Variants in SNX29 observed in about 807,000 individuals in gnomAD.
SNX29 encodes sorting nexin-29.
In SNX29, 78 loss-of-function variants were observed where a neutral mutation model predicts 102.1. That is an observed-to-expected ratio of 0.76 (90% CI 0.64 to 0.92). The LOEUF (loss-of-function observed/expected upper bound fraction) is 0.92. Ranked by LOEUF, SNX29 falls within the 40% of genes least tolerant of loss-of-function variation. The probability of loss-of-function intolerance (pLI) is 0.00; values close to 1 mark genes in which losing one functional copy is unlikely to be tolerated. For missense variants in SNX29, 1,280 were observed against 1,061.7 expected (o/e 1.21, Z -2.86); for synonymous variants, 580 against 414.5 (o/e 1.40, Z -4.85).
chr16:11,992,449 C>CG, intron 1 of SNX29, among the ~76,000 whole-genome samples: 1 of 152,234 alleles, frequency 6.6e-6, no homozygotes, highest in Non-Finnish European at 1.5e-5. Flanking sequence ...AAGGAAACTC[C>CG]ATATCCATTA....
At chr16:12,430,788 T>G (rs1453637359) in intron 18 of SNX29, among the ~76,000 whole-genome samples, 3 of 152,104 alleles carry the variant, frequency 2.0e-5, no homozygotes, top group East Asian at 3.9e-4. Flanking sequence ...GAGAGACACC[T>G]TAGTCCACTT....
chr16:12,424,015 T>C (rs1460631477), intron 18 of SNX29, among the ~76,000 whole-genome samples: 2 of 152,234 alleles, frequency 1.3e-5, no homozygotes, highest in African/African-American at 4.8e-5. Flanking sequence ...CTAAGCATAT[T>C]CTGAGCTGGT....
rs143354996 is a variant in SNX29, at chr16:12,234,467, G to A, written c.1678+34784G>A. 4.8e-3 allele frequency among the ~76,000 whole-genome samples: 724 copies of A among 151,902 alleles called. 5 individuals are homozygous for A. Among genetic ancestry groups the A allele is most frequent in the African/African-American group, 0.016 (653 of 41,440 alleles). ...TTTGTGTATTGTGGATACTAGACCC[G>A]TATCAGAGATACGTGATTTGCATAC... On this transcript the variant is annotated intron_variant, in intron 14 of 20. Coordinates refer to ENST00000566228, the MANE Select transcript of SNX29 (RefSeq NM_032167.5).
chr16:12,043,926 G>C (rs545147648), intron 5 of SNX29, among the ~76,000 whole-genome samples: 1 of 152,064 alleles, frequency 6.6e-6, no homozygotes, highest in Admixed American at 6.5e-5. Flanking sequence ...CTAATTTTTT[G>C]TATTTTTAGT....
At chr16:12,309,282 A>G (rs1474312234) in intron 15 of SNX29, among the ~76,000 whole-genome samples, 3 of 152,112 alleles carry the variant, frequency 2.0e-5, no homozygotes, top group Admixed American at 6.5e-5. Flanking sequence ...TTGGTGCTCA[A>G]GTTGGGGAGA....
intron 20 of SNX29, among the ~76,000 whole-genome samples, chr16:12,567,113 G>A (rs1341680360): frequency 1.3e-5 from 2 of 152,244 alleles, no homozygotes; most frequent in Non-Finnish European, 1.5e-5. Flanking sequence ...ATGAATGCAA[G>A]TCTCTTAACT....
At chr16:12,123,771 G>A (rs929946701) in intron 11 of SNX29, among the ~76,000 whole-genome samples, 9 of 152,180 alleles carry the variant, frequency 5.9e-5, no homozygotes, top group Non-Finnish European at 1.3e-4. Context: ...GTTCTCCTAA[G>A]ATGGGCTGGC....
intron 20 of SNX29, among the ~76,000 whole-genome samples, chr16:12,556,047 C>T (rs1324501755): frequency 6.6e-6 from 1 of 152,004 alleles, no homozygotes; most frequent in Non-Finnish European, 1.5e-5. Context: ...CTGAGTGACG[C>T]TTAAAGGGTG....
At chr16:12,562,849 C>T (rs552913569) in intron 20 of SNX29, among the ~76,000 whole-genome samples, 10 of 152,248 alleles carry the variant, frequency 6.6e-5, no homozygotes, top group East Asian at 3.9e-4. Context: ...ATAGGCAACC[C>T]GACAGCTCCC....
At chr16:12,258,542 C>T (rs1203771221) in intron 14 of SNX29, among the ~76,000 whole-genome samples, 1 of 152,142 alleles carries the variant, frequency 6.6e-6, no homozygotes, top group Non-Finnish European at 1.5e-5. Flanking sequence ...TACTTATCTG[C>T]TCATTTGCTG....
chr16:12,092,399 G>A (rs2052593648), intron 11 of SNX29, among the ~76,000 whole-genome samples: 1 of 152,216 alleles, frequency 6.6e-6, no homozygotes, highest in Non-Finnish European at 1.5e-5. Flanking sequence ...TTCCCAGAGG[G>A]CGGGCTCCAG....
intron 11 of SNX29, among the ~76,000 whole-genome samples, chr16:12,104,483 G>T (rs556519145): frequency 6.6e-6 from 1 of 152,142 alleles, no homozygotes; most frequent in South Asian, 2.1e-4. Flanking sequence ...TTGAACCCGG[G>T]AGGCAGAGGT....
chr16:12,532,928 C>T (rs1192358482), intron 20 of SNX29, among the ~76,000 whole-genome samples: 3 of 152,248 alleles, frequency 2.0e-5, no homozygotes, highest in Admixed American at 6.5e-5. Flanking sequence ...AGGCCGTCCT[C>T]CTCTGCTGCC....
At chr16:11,979,311 A>G (rs991783414) in intron 1 of SNX29, among the ~76,000 whole-genome samples, 5 of 150,744 alleles carry the variant, frequency 3.3e-5, no homozygotes, top group Non-Finnish European at 5.9e-5. Flanking sequence ...CGTTACATCT[A>G]AAGCCAAAGA....
chr16:12,314,633 T>G (rs879160468), intron 15 of SNX29, among the ~76,000 whole-genome samples: 1 of 152,278 alleles, frequency 6.6e-6, no homozygotes, highest in Admixed American at 6.5e-5. Context: ...AACTTAAAGC[T>G]GTTTCTTCAG....
At chr16:12,106,307 A>G (rs1022662304) in intron 11 of SNX29, among the ~76,000 whole-genome samples, 5 of 151,630 alleles carry the variant, frequency 3.3e-5, no homozygotes, top group Non-Finnish European at 7.4e-5. Context: ...ACACTGGTTT[A>G]GACAAGGTAG....
intron 18 of SNX29, among the ~76,000 whole-genome samples, chr16:12,474,696 G>A (rs769004018): frequency 1.9e-4 from 29 of 152,324 alleles, no homozygotes; most frequent in Non-Finnish European, 3.8e-4. Context: ...AAATTACGAT[G>A]GCAATTTATC....
At position 12,573,187 on chromosome 16, in the gene SNX29, G is replaced by A. The variant is rs1355800346; in HGVS notation, c.*4558G>A. ...TAGAAGTAAGGGTGTAGCCATCCAG[G>A]GTCTCCCGGCTCTAGGCAGACCGGA... is the stretch of plus-strand genomic sequence containing the variant. On this transcript the variant is annotated 3_prime_UTR_variant, in exon 21 of 21. Coordinates refer to ENST00000566228, the MANE Select transcript of SNX29 (RefSeq NM_032167.5). 1 of 225,922 alleles carries A rather than the reference G, an allele frequency of 4.4e-6. No homozygotes were observed. Among genetic ancestry groups the A allele is most frequent in the African/African-American group, 2.2e-5 (1 of 44,886 alleles). The allele number at this position is 225,922 out of a possible 1,614,324, so 14.0% of individuals were successfully genotyped here.
chr16:12,292,490 C>T (rs2079832352), intron 15 of SNX29, among the ~76,000 whole-genome samples: 1 of 152,208 alleles, frequency 6.6e-6, no homozygotes, highest in South Asian at 2.1e-4. Flanking sequence ...GGAATTTCCT[C>T]TTAAGTCCCC....
Sources: gnomAD v4.1 joint callset for allele counts (sites outside exome capture counted in the v4.1 genomes callset) on GRCh38, gnomAD v4.1.1 for gene constraint, MANE v1.5 for transcripts, NCBI Gene and HGNC (gene_info 2026-07-23, HGNC 2026-07-21) for gene names.